MARCHF4: variants seen among roughly 807,000 people sequenced by gnomAD.
MARCHF4 encodes the protein membrane associated ring-CH-type finger 4.
Under a neutral mutation model 43.9 loss-of-function variants are expected in MARCHF4, and 14 were observed. The ratio of observed to expected loss-of-function variants is 0.32; its 90% CI spans 0.21 to 0.50. MARCHF4 has a LOEUF of 0.50. Among genes scored for constraint, MARCHF4 ranks in the 20% least tolerant of loss-of-function variants. The pLI, the probability that MARCHF4 is intolerant of heterozygous loss-of-function variation, is 0.98. For missense variants in MARCHF4, 468 were observed against 536.7 expected (o/e 0.87, Z 1.27); for synonymous variants, 226 against 213.3 (o/e 1.06, Z -0.52).
Position 216,302,771 on chromosome 2 carries a change from GC to G in MARCHF4, c.517-19043del, listed in dbSNP as rs1318130296. Reference sequence around the variant, plus strand: ...AAATTAACCAGGTGTGGTGGTGGGTGCCTGTAATCACAGTTACTTGAGAGGC... The same window carrying G: ...AAATTAACCAGGTGTGGTGGTGGGTGCTGTAATCACAGTTACTTGAGAGGC... On this transcript the variant is annotated intron_variant, in intron 1 of 3. Coordinates refer to ENST00000273067, the MANE Select transcript of MARCHF4 (RefSeq NM_020814.3). Among the ~76,000 whole-genome samples the G allele has an allele frequency of 4.0e-5, 6 of 151,750 alleles. No homozygotes were observed. The East Asian group carries it at 9.8e-4, about 25-fold the overall frequency.
chr2:216,335,668 G>A (rs974591600), intron 1 of MARCHF4, among the ~76,000 whole-genome samples: 3 of 152,158 alleles, frequency 2.0e-5, no homozygotes, highest in African/African-American at 4.8e-5. Flanking sequence ...AGCCAAAAAA[G>A]AGTACAGAAA....
chr2:216,344,448 G>A (rs1692283220), intron 1 of MARCHF4, among the ~76,000 whole-genome samples: 3 of 152,162 alleles, frequency 2.0e-5, no homozygotes, highest in Admixed American at 2.0e-4. Context: ...GACTTCACCA[G>A]AAGCAGGGTG....
At chr2:216,296,040 G>T (rs1437938632) in intron 1 of MARCHF4, among the ~76,000 whole-genome samples, 3 of 152,236 alleles carry the variant, frequency 2.0e-5, no homozygotes, top group Admixed American at 2.0e-4. Context: ...CAGCTACTAG[G>T]GGGGTTGAGG....
At chr2:216,317,991 T>C (rs1476663478) in intron 1 of MARCHF4, 11 of 152,162 alleles carry the variant, frequency 7.2e-5, no homozygotes, top group Admixed American at 7.2e-4. Flanking sequence ...TCCAAGCAAA[T>C]GCAACCAGCG....
At chr2:216,331,230 C>T (rs974274791) in intron 1 of MARCHF4, among the ~76,000 whole-genome samples, 5 of 151,940 alleles carry the variant, frequency 3.3e-5, no homozygotes, top group Non-Finnish European at 5.9e-5. Flanking sequence ...ATTACATATC[C>T]TTATGCCAAA....
chr2:216,361,090 A>T (rs2105984460), intron 1 of MARCHF4, among the ~76,000 whole-genome samples: 1 of 152,334 alleles, frequency 6.6e-6, no homozygotes, highest in East Asian at 1.9e-4. Flanking sequence ...AGCCCATTAA[A>T]AAAAAGAATA....
chr2:216,351,541 A>G (rs1249732094), intron 1 of MARCHF4: 2 of 152,172 alleles, frequency 1.3e-5, no homozygotes, highest in East Asian at 1.9e-4. Context: ...AAAATAATAA[A>G]AAGAAGAAGC....
At position 216,370,854 on chromosome 2, in the gene MARCHF4, G is replaced by A. The variant is rs1692748794; in HGVS notation, c.-594C>T. On this transcript the variant is annotated 5_prime_UTR_variant, in exon 1 of 4. Coordinates refer to ENST00000273067, the MANE Select transcript of MARCHF4 (RefSeq NM_020814.3). ...TTTTCTCAGGTGGTAGGGGTTGGGG[G>A]AGTCAAGGTAGGGGAGGAGAGAAGA... 6.6e-6 allele frequency: 1 copy of A among 152,056 alleles called. No homozygotes were observed. Among genetic ancestry groups the A allele is most frequent in the African/African-American group, 2.4e-5 (1 of 41,382 alleles). 9.4% of individuals were successfully genotyped at this position (152,056 alleles called of 1,614,324 possible). A position where few individuals can be genotyped will look rare whatever the true frequency, so the allele number is the denominator to read the frequency against.
At position 216,362,458 on chromosome 2, in the gene MARCHF4, G is replaced by T. The variant is rs944301166; in HGVS notation, c.516+7287C>A. ...GGGTGGCTTCAAGAGGGTTCTTTCAGACATTGATGTTGATTCTATTCAATC... is the reference window on the plus strand; with the variant it reads ...GGGTGGCTTCAAGAGGGTTCTTTCATACATTGATGTTGATTCTATTCAATC... On this transcript the variant is annotated intron_variant, in intron 1 of 3. Coordinates refer to ENST00000273067, the MANE Select transcript of MARCHF4 (RefSeq NM_020814.3). 2.6e-5 allele frequency among the ~76,000 whole-genome samples: 4 copies of T among 152,220 alleles called. No homozygotes were observed. The East Asian group carries it at 7.7e-4, about 29-fold the overall frequency.
intron 1 of MARCHF4, among the ~76,000 whole-genome samples, chr2:216,287,296 G>A (rs1574464444): frequency 6.6e-6 from 1 of 152,114 alleles, no homozygotes; most frequent in Non-Finnish European, 1.5e-5. Flanking sequence ...AGGCCCTAGG[G>A]TATGGGAAAG....
At chr2:216,300,305 T>C (rs968011967) in intron 1 of MARCHF4, among the ~76,000 whole-genome samples, 5 of 149,022 alleles carry the variant, frequency 3.4e-5, no homozygotes, top group African/African-American at 1.3e-4. Flanking sequence ...CTTAAATGCA[T>C]ATATATATGT....
At chr2:216,308,832 G>A (rs1691632554) in intron 1 of MARCHF4, among the ~76,000 whole-genome samples, 1 of 152,212 alleles carries the variant, frequency 6.6e-6, no homozygotes, top group Non-Finnish European at 1.5e-5. Context: ...TCTGATCCTG[G>A]TTTGATTCTA....
intron 1 of MARCHF4, among the ~76,000 whole-genome samples, chr2:216,293,257 G>A (rs748174566): frequency 7.2e-5 from 11 of 152,066 alleles, no homozygotes; most frequent in Non-Finnish European, 1.2e-4. Context: ...TGGGCTTCTC[G>A]CTTCCCTCCT....
intron 1 of MARCHF4, among the ~76,000 whole-genome samples, chr2:216,311,406 C>T (rs1425045744): frequency 4.6e-5 from 7 of 152,010 alleles, no homozygotes; most frequent in African/African-American, 9.7e-5. Flanking sequence ...TACAGTCATG[C>T]GTCACCACAC....
chr2:216,272,838 C>A (rs917922154), intron 3 of MARCHF4, among the ~76,000 whole-genome samples: 4 of 152,238 alleles, frequency 2.6e-5, no homozygotes, highest in African/African-American at 7.2e-5. Flanking sequence ...AGTAATTGTA[C>A]AACCCTCTGG....
At chr2:216,326,820 G>C in intron 1 of MARCHF4, among the ~76,000 whole-genome samples, 1 of 143,422 alleles carries the variant, frequency 7.0e-6, no homozygotes, top group Admixed American at 7.0e-5. Context: ...GTGGGGTGGA[G>C]GGAGGGGGGA....
In MARCHF4 at chr2:216,352,078, G is replaced by T. The variant is rs556056187; in HGVS notation, c.516+17667C>A. Among the ~76,000 whole-genome samples, 18 of 152,280 alleles carry T rather than the reference G, an allele frequency of 1.2e-4. No homozygotes were observed. In the South Asian group the frequency reaches 3.7e-3, roughly 32 times the overall value. On this transcript the variant is annotated intron_variant, in intron 1 of 3. Coordinates refer to ENST00000273067, the MANE Select transcript of MARCHF4 (RefSeq NM_020814.3). ...AAATGGCCTCTAGGTAAAAGATCTGGAATGAAAGTATGCATGAGTCTTGAA... is the reference window on the plus strand; with the variant it reads ...AAATGGCCTCTAGGTAAAAGATCTGTAATGAAAGTATGCATGAGTCTTGAA...
chr2:216,319,411 C>T (rs572736424), intron 1 of MARCHF4, among the ~76,000 whole-genome samples: 18 of 152,202 alleles, frequency 1.2e-4, no homozygotes, highest in African/African-American at 3.4e-4. Context: ...ACCCAGTGCA[C>T]GGCAGACACT....
chr2:216,302,276 T>A (rs1419799963), intron 1 of MARCHF4, among the ~76,000 whole-genome samples: 1 of 152,106 alleles, frequency 6.6e-6, no homozygotes, highest in African/African-American at 2.4e-5. Flanking sequence ...TGGAGTGCAG[T>A]GGTGTGATCT....
Sources: allele counts gnomAD v4.1 joint callset (sites outside exome capture counted in the v4.1 genomes callset), GRCh38; gene constraint gnomAD v4.1.1; transcripts MANE v1.5; gene names NCBI Gene and HGNC (gene_info 2026-07-23, HGNC 2026-07-21).